Variants in ZSCAN31 observed in about 807,000 individuals in gnomAD.
The protein encoded by ZSCAN31 is zinc finger and SCAN domain containing 31, also known as zinc finger and SCAN domain-containing protein 31.
In ZSCAN31, 14 loss-of-function variants were observed where a neutral mutation model predicts 22.5. The ratio of observed to expected loss-of-function variants is 0.62; its 90% CI spans 0.41 to 0.97. The LOEUF is 0.97. Ranked by LOEUF, ZSCAN31 falls within the 50% of genes least tolerant of loss-of-function variation. The pLI is 0.00. For missense variants in ZSCAN31, 424 were observed against 483.4 expected, an observed-to-expected ratio of 0.88 and a Z score of 1.15; for synonymous variants, 168 against 169.8, an observed-to-expected ratio of 0.99 and a Z score of 0.08.
At chr6:28,339,136 A>AT (rs1561920035), upstream of ZSCAN31, among the ~76,000 whole-genome samples, 2 of 152,164 alleles carry the variant, frequency 1.3e-5, no homozygotes, top group African/African-American at 2.4e-5. Flanking sequence ...CCAAGAGCAT[A>AT]TTTTTTTACT....
intron 1 of ZSCAN31, among the ~76,000 whole-genome samples, chr6:28,330,078 G>A (rs543066748): frequency 6.6e-6 from 1 of 152,272 alleles, no homozygotes; most frequent in African/African-American, 2.4e-5. Context: ...TGCATGGAGA[G>A]GTTTGAACAG....
rs1763745136 is a variant in ZSCAN31 at position 28,331,580 on chromosome 6, G to C, written c.-95-1802C>G. 6.6e-6 allele frequency among the ~76,000 whole-genome samples: 1 copy of C among 151,950 alleles called. No individual in the cohort carries two copies. The highest frequency in any genetic ancestry group is 2.4e-5 in the African/African-American group (1 of 41,242). ...ATCATGGCATTTATTCTTTGTCAAT[G>C]TCTAATGCCAAATGTATATCTTTTT... On this transcript the variant is annotated intron_variant, in intron 1 of 3. Transcript: ENST00000344279. This position sits in a 1 kb window ranked among gnomAD's most constrained non-coding sequence, Gnocchi z 4.8.
intron 2 of ZSCAN31, among the ~76,000 whole-genome samples, chr6:28,350,754 G>T (rs1764949306): frequency 6.6e-6 from 1 of 152,108 alleles, no homozygotes; most frequent in Non-Finnish European, 1.5e-5. Flanking sequence ...TGTAATGGAT[G>T]ATTTCTATAT....
upstream of ZSCAN31, chr6:28,355,786 C>G (rs1465400650): frequency 6.6e-6 from 1 of 152,310 alleles, no homozygotes; most frequent in Non-Finnish European, 1.5e-5. Context: ...CACCCTCCCA[C>G]GAAGGCAAAG....
chr6:28,327,606 T>A, intron 2 of ZSCAN31, 73 bp from the exon 3 acceptor site: 2 of 1,483,382 alleles, frequency 1.3e-6, no homozygotes, highest in South Asian at 2.4e-5. Flanking sequence ...ATGAAAGATA[T>A]CACATGGAAC....
chr6:28,343,542 C>CT (rs34131321), intron 2 of ZSCAN31, among the ~76,000 whole-genome samples: 2,193 of 105,870 alleles, frequency 0.021, 52 homozygotes, highest in Middle Eastern at 0.032. Context: ...TTTTTTCTTT[C>CT]TTTTTTTTTT....
chr6:28,344,208 C>T (rs984924926), intron 2 of ZSCAN31, among the ~76,000 whole-genome samples: 3 of 152,082 alleles, frequency 2.0e-5, no homozygotes, highest in Non-Finnish European at 4.4e-5. Context: ...GGCTGTCACA[C>T]GGGTTTTTTG....
Position 28,326,533 on chromosome 6 carries a change from T to A in ZSCAN31, c.854A>T (p.His285Leu). The A allele has an allele frequency of 4.3e-6, 7 of 1,614,250 alleles. No homozygotes were observed. Among genetic ancestry groups the A allele is most frequent in the Non-Finnish European group, 5.9e-6 (7 of 1,180,034 alleles). The change falls in exon 4 of 4, where the codon CAT (histidine) becomes CTT (leucine). Residue 285 changes from histidine (H) to leucine (L), a missense_variant. His to Leu is a moderately conservative substitution (Grantham distance 99, BLOSUM62 -3). Transcript: ENST00000344279. ...TTTCTCTCCAGTGTGGCTCCGCCGA[T>A]GTTCATTCAGGCTTGACCTCCGGCT... Reference protein sequence around the residue: ...AFSRRSSLNEHRRSHTGEKPY... With the variant: ...AFSRRSSLNELRRSHTGEKPY...
chr6:28,329,590 A>C lies in ZSCAN31; in HGVS notation c.94T>G (p.Phe32Val). The change falls in exon 2 of 4, where the codon TTT (phenylalanine) becomes GTT (valine). Residue 32 changes from phenylalanine (F) to valine (V), a missense_variant. By Grantham distance (50) the Phe-to-Val change is conservative (BLOSUM62 -1). Transcript: ENST00000344279. ...TGTCGGGAGGCTTCTTGGCCAGAAA[A>C]GTTGTTCCCTCGAAGGTGGGTTTCT... is the stretch of plus-strand genomic sequence containing the variant. ...DQETHLRGNN[F>V]SGQEASRQLF... 1 of 1,614,212 alleles carries C rather than the reference A, an allele frequency of 6.2e-7. No homozygotes were observed.
At position 28,326,586 on chromosome 6, in the gene ZSCAN31, A is replaced by T. The variant is rs768714342; in HGVS notation, c.801T>A (p.Tyr267Ter). ...HQRIHTGEKP[Y>*]ECEECGKAFS... ...AGGCCTTCCCACATTCTTCACATTCATATGGCTTCTCCCCAGTGTGGATTC... is the reference window on the plus strand; with the variant it reads ...AGGCCTTCCCACATTCTTCACATTCTTATGGCTTCTCCCCAGTGTGGATTC... Residue 267 changes from tyrosine (Y) to a stop codon, truncating the protein, a stop_gained, in exon 4 of 4, where the codon TAT (tyrosine) becomes TAA (stop). Transcript: ENST00000344279. LOFTEE classifies it low-confidence loss of function (END_TRUNC). 1.9e-6 allele frequency: 3 copies of T among 1,613,988 alleles called. No individual in the cohort carries two copies. In the South Asian group the frequency reaches 3.3e-5, roughly 18 times the overall value.
intron 3 of ZSCAN31, chr6:28,341,681 T>A (rs1162280289): frequency 6.6e-6 from 1 of 152,180 alleles, no homozygotes; most frequent in African/African-American, 2.4e-5. Context: ...AAAGAAAAAA[T>A]TGGAGCATGC....
chr6:28,348,615 T>C (rs942416216), intron 2 of ZSCAN31, among the ~76,000 whole-genome samples: 1 of 152,198 alleles, frequency 6.6e-6, no homozygotes, highest in Non-Finnish European at 1.5e-5. Flanking sequence ...GTTGTGCCAA[T>C]ACTATATTGT....
intron 2 of ZSCAN31, among the ~76,000 whole-genome samples, chr6:28,342,359 G>C (rs1308005790): frequency 5.3e-5 from 8 of 152,174 alleles, no homozygotes; most frequent in Non-Finnish European, 7.3e-5. Context: ...TTCCTCCCTA[G>C]TGTTCTCTAC....
At position 28,326,842 on chromosome 6, in the gene ZSCAN31, A is replaced by C. The variant is rs199814583; in HGVS notation, c.545T>G (p.Ile182Arg). 9 of 1,609,702 alleles carry C rather than the reference A, an allele frequency of 5.6e-6. No individual in the cohort carries two copies. The highest frequency in any genetic ancestry group is 7.6e-6 in the Non-Finnish European group (9 of 1,178,920). Residue 182 changes from isoleucine to arginine, a missense_variant, in exon 4 of 4, where the codon ATA becomes AGA. Coordinates refer to ENST00000344279, the MANE Select transcript of ZSCAN31 (RefSeq NM_030899.5). ...HQFQEQDGESIPENQELASKQ... is the reference protein window; with the variant it reads ...HQFQEQDGESRPENQELASKQ... ...TGATGCCAACTCCTGGTTCTCAGGT[A>C]TACTTTCACCATCTGGAATAATAAA...
upstream of ZSCAN31, among the ~76,000 whole-genome samples, chr6:28,337,544 A>T (rs1764239607): frequency 6.6e-6 from 1 of 152,146 alleles, no homozygotes; most frequent in South Asian, 2.1e-4. Context: ...GGTTGAATTG[A>T]TTTTTTACAA....
At position 28,351,090 on chromosome 6, in the gene ZSCAN31, A is replaced by G. The variant is rs1764979914; in HGVS notation, c.-371+2772T>C. Among the ~76,000 whole-genome samples, 1 of 152,198 alleles carries G rather than the reference A, an allele frequency of 6.6e-6. No individual in the cohort carries two copies. Among genetic ancestry groups the G allele is most frequent in the Non-Finnish European group, 1.5e-5 (1 of 68,032 alleles). On this transcript the variant is annotated intron_variant, in intron 2 of 7. Transcript: ENST00000396838. The surrounding 1 kb of genome is among the most constrained non-coding windows in gnomAD (Gnocchi z 4.6). ...CAACTTTTACAGGGTTAGCTCTTTC[A>G]TAGACTTGTAACTCTTTTCTGTTAA...
At chr6:28,340,068 T>G (rs942840638), upstream of ZSCAN31, among the ~76,000 whole-genome samples, 1 of 152,230 alleles carries the variant, frequency 6.6e-6, no homozygotes, top group African/African-American at 2.4e-5. Context: ...CTTTATAGAC[T>G]TAATCATAAA....
intron 1 of ZSCAN31, among the ~76,000 whole-genome samples, chr6:28,332,742 C>T (rs1561913406): frequency 6.6e-6 from 1 of 152,164 alleles, no homozygotes; most frequent in Admixed American, 6.5e-5. Context: ...TCAAGAAAAT[C>T]CAGGACAGAC....
intron 1 of ZSCAN31, among the ~76,000 whole-genome samples, chr6:28,332,710 T>C (rs1485726335): frequency 1.3e-5 from 2 of 152,066 alleles, no homozygotes; most frequent in Non-Finnish European, 2.9e-5. Context: ...CAGTAGACAG[T>C]TGAAAATACT....
Sources: allele counts gnomAD v4.1 joint callset (sites outside exome capture counted in the v4.1 genomes callset), GRCh38; gene constraint gnomAD v4.1.1; non-coding constraint Gnocchi (gnomAD v3.1); transcripts MANE v1.5; gene names NCBI Gene and HGNC (gene_info 2026-07-23, HGNC 2026-07-21).